Variants in ASIC5 observed in about 807,000 individuals in gnomAD.
ASIC5 encodes acid sensing ion channel subunit family member 5.
Under a neutral mutation model 51.2 loss-of-function variants are expected in ASIC5, and 52 were observed. The observed-to-expected ratio is 1.02, with a 90% confidence interval of 0.81 to 1.28. The LOEUF (loss-of-function observed/expected upper bound fraction) is 1.28. Ranked by LOEUF, ASIC5 falls within the 50% of genes most tolerant of loss-of-function variation. The pLI is 0.00. For missense variants in ASIC5, 635 were observed against 595.0 expected (o/e 1.07, Z -0.70); for synonymous variants, 231 against 200.7 (o/e 1.15, Z -1.28).
intron 6 of ASIC5, among the ~76,000 whole-genome samples, chr4:155,841,386 C>T (rs1025469640): frequency 6.6e-6 from 1 of 152,096 alleles, no homozygotes; most frequent in African/African-American, 2.4e-5. Context: ...TTACAACAAC[C>T]CTATAAGATG....
At chr4:155,837,303 G>A (rs951472923) in intron 7 of ASIC5, among the ~76,000 whole-genome samples, 2 of 152,158 alleles carry the variant, frequency 1.3e-5, no homozygotes, top group African/African-American at 4.8e-5. Context: ...AACATACAAT[G>A]GTAAGAAATG....
Position 155,863,739 on chromosome 4 carries a change from A to G in ASIC5, c.56T>C (p.Ile19Thr). 6.2e-7 allele frequency: 1 copy of G among 1,612,804 alleles called. No individual in the cohort carries two copies. The stretch of plus-strand genomic sequence containing the variant: ...TGGTTTCTTTGAAAGGCAAAGCTTT[A>G]TCTTTTCTAAGAGTCCTTAAGGTTT... ...VYAENGLLEK[I>T]KLCLSKKPLP... The change falls in exon 2 of 10, where the codon ATA (isoleucine) becomes ACA (threonine). Residue 19 changes from isoleucine to threonine, a missense_variant. Coordinates refer to ENST00000537611, the MANE Select transcript of ASIC5 (RefSeq NM_017419.3).
rs182289084 is a variant in ASIC5, at chr4:155,850,951, G to A, written c.711+1240C>T. 1.3e-4 allele frequency among the ~76,000 whole-genome samples: 19 copies of A among 151,972 alleles called. 1 individual carries two copies. Among genetic ancestry groups the A allele is most frequent in the South Asian group, 8.3e-4 (4 of 4,826 alleles). On this transcript the variant is annotated intron_variant, in intron 4 of 9. Transcript: ENST00000537611. ...TAAGAATATAAATATAAAGAATATCGTCTATGAATGGATCAACTGCCTATG... is the reference window on the plus strand; with the variant it reads ...TAAGAATATAAATATAAAGAATATCATCTATGAATGGATCAACTGCCTATG...
chr4:155,857,982 T>C (rs1441951547), intron 2 of ASIC5, among the ~76,000 whole-genome samples: 2 of 152,076 alleles, frequency 1.3e-5, no homozygotes, highest in African/African-American at 2.4e-5. Flanking sequence ...ATTATAAACA[T>C]GAAGACCCAA....
At chr4:155,841,745 T>C (rs1392453216) in intron 6 of ASIC5, among the ~76,000 whole-genome samples, 1 of 152,178 alleles carries the variant, frequency 6.6e-6, no homozygotes, top group African/African-American at 2.4e-5. Context: ...CATCAAATTT[T>C]AGCCTTTGGG....
At chr4:155,850,709 G>T (rs765968862) in intron 4 of ASIC5, among the ~76,000 whole-genome samples, 2 of 151,930 alleles carry the variant, frequency 1.3e-5, no homozygotes, top group East Asian at 3.9e-4. Context: ...TGACTCATTT[G>T]CTTAGAAAAT....
chr4:155,838,274 C>A (rs548696477), intron 7 of ASIC5, among the ~76,000 whole-genome samples: 1 of 151,816 alleles, frequency 6.6e-6, no homozygotes, highest in Non-Finnish European at 1.5e-5. Context: ...AAAGTGTTAG[C>A]GATTATTGCA....
Position 155,831,832 on chromosome 4 carries a change from T to A in ASIC5, c.1319A>T (p.Glu440Val). 1 of 1,588,470 alleles carries A rather than the reference T, an allele frequency of 6.3e-7. No homozygotes were observed. Among genetic ancestry groups the A allele is most frequent in the Non-Finnish European group, 8.6e-7 (1 of 1,157,928 alleles). Residue 440 changes from glutamate to valine, a missense_variant, in exon 9 of 10, where the codon GAG (glutamate) becomes GTG (valine). Transcript: ENST00000537611. ...TQQQKAVSVSELLADLGGQLG... is the reference protein window; with the variant it reads ...TQQQKAVSVSVLLADLGGQLG... ...AATTAAATAACACTTACCAAGTAAC[T>A]CAGACACACTCACCGCCTTTTGCTG...
chr4:155,842,795 A>G (rs1741150514), intron 5 of ASIC5, among the ~76,000 whole-genome samples: 2 of 152,116 alleles, frequency 1.3e-5, no homozygotes, highest in South Asian at 2.1e-4. Flanking sequence ...TTGTCACATG[A>G]CCAGGAAAAA....
chr4:155,858,612 TC>T (rs1741608873), intron 2 of ASIC5, among the ~76,000 whole-genome samples: 1 of 152,028 alleles, frequency 6.6e-6, no homozygotes, highest in Non-Finnish European at 1.5e-5. Flanking sequence ...ATATCTGTGA[TC>T]CATGCTTTTT....
At chr4:155,834,724 T>G (rs1404247281) in intron 8 of ASIC5, among the ~76,000 whole-genome samples, 1 of 152,120 alleles carries the variant, frequency 6.6e-6, no homozygotes, top group Non-Finnish European at 1.5e-5. Context: ...TTTCTGTTTT[T>G]GCATCCAAAA....
chr4:155,832,052 A>G (rs1740883296), intron 8 of ASIC5, 137 bp from the exon 9 acceptor site: 2 of 517,946 alleles, frequency 3.9e-6, no homozygotes, highest in Non-Finnish European at 7.0e-6. Context: ...AATATTAATC[A>G]CAATTAGCAG....
intron 8 of ASIC5, among the ~76,000 whole-genome samples, chr4:155,832,793 C>G (rs897060789): frequency 6.6e-6 from 1 of 152,114 alleles, no homozygotes; most frequent in African/African-American, 2.4e-5. Context: ...ACCTCTCACC[C>G]CATTCAAAGC....
In ASIC5 at chr4:155,842,356, TTAAGA is replaced by T. The variant is rs757974826; in HGVS notation, c.862-7_862-3del. On this transcript the variant is annotated splice_polypyrimidine_tract_variant and splice_region_variant and intron_variant, in intron 5 of 9. Transcript: ENST00000537611. ...CCAAGGGTATTCTTGATGAACTGTC[TTAAGA>T]TAAGATAAATACTGGGTTCAGGAGA... 2.4e-5 allele frequency: 39 copies of T among 1,608,126 alleles called. No individual in the cohort carries two copies. The highest frequency in any genetic ancestry group is 1.9e-5 in the Non-Finnish European group (22 of 1,175,984).
At chr4:155,864,691 T>A (rs1741816903) in intron 1 of ASIC5, 1 of 152,140 alleles carries the variant, frequency 6.6e-6, no homozygotes, top group East Asian at 1.9e-4. Flanking sequence ...GTATCTGCCT[T>A]ATGAATTTGT....
chr4:155,853,806 A>C (rs1257882907), intron 3 of ASIC5, among the ~76,000 whole-genome samples: 1 of 151,778 alleles, frequency 6.6e-6, no homozygotes, highest in Non-Finnish European at 1.5e-5. Flanking sequence ...CTCTTGTGTT[A>C]AATTGTTTTT....
At chr4:155,838,011 T>C (rs889867050) in intron 7 of ASIC5, among the ~76,000 whole-genome samples, 3 of 152,164 alleles carry the variant, frequency 2.0e-5, no homozygotes, top group Admixed American at 6.6e-5. Context: ...AATACGGCTT[T>C]TGTATATTCA....
chr4:155,861,975 A>G (rs1013074895), intron 2 of ASIC5, among the ~76,000 whole-genome samples: 1 of 152,106 alleles, frequency 6.6e-6, no homozygotes, highest in African/African-American at 2.4e-5. Flanking sequence ...TTGAGGAGAT[A>G]CTATTTAAAT....
chr4:155,844,303 T>C (rs1260117661), intron 4 of ASIC5, among the ~76,000 whole-genome samples: 1 of 151,696 alleles, frequency 6.6e-6, no homozygotes, highest in Admixed American at 6.6e-5. Context: ...CATTCGCTAT[T>C]AAAAAAACAA....
Sources: gnomAD v4.1 joint callset for allele counts (sites outside exome capture counted in the v4.1 genomes callset) on GRCh38, gnomAD v4.1.1 for gene constraint, MANE v1.5 for transcripts, NCBI Gene and HGNC (gene_info 2026-07-23, HGNC 2026-07-21) for gene names.